RSBN1: variants seen among roughly 807,000 people sequenced by gnomAD.
RSBN1 encodes the protein lysine-specific demethylase 9.
RSBN1 carries 23 observed loss-of-function variants against 74.8 expected under a neutral mutation model. The observed-to-expected ratio is 0.31, with a 90% CI of 0.22 to 0.44. The LOEUF (loss-of-function observed/expected upper bound fraction) is 0.44, where lower values mean the gene tolerates loss of function less well. Ranked by LOEUF, RSBN1 falls within the 20% of genes least tolerant of loss-of-function variation. The pLI is 1.00. For synonymous variants in RSBN1, 407 were observed against 379.6 expected, an observed-to-expected ratio of 1.07 and a Z score of -0.84; for missense variants, 808 against 1,020.9, an observed-to-expected ratio of 0.79 and a Z score of 2.84.
intron 1 of RSBN1, among the ~76,000 whole-genome samples, chr1:113,801,994 A>C (rs1660594121): frequency 6.6e-6 from 1 of 151,200 alleles, no homozygotes; most frequent in Admixed American, 6.6e-5. Context: ...TTTTACTCTC[A>C]TCCAGGCTGG....
intron 2 of RSBN1, among the ~76,000 whole-genome samples, chr1:113,788,194 G>T (rs1660297383): frequency 6.6e-6 from 1 of 151,868 alleles, no homozygotes; most frequent in Non-Finnish European, 1.5e-5. Flanking sequence ...AAAAGACAAT[G>T]AAAAATATAA....
chr1:113,798,418 TC>T, intron 1 of RSBN1, among the ~76,000 whole-genome samples: 1 of 152,306 alleles, frequency 6.6e-6, no homozygotes, highest in East Asian at 1.9e-4. Flanking sequence ...TGTTCAGTTA[TC>T]ATCATAAAAT....
At position 113,812,353 on chromosome 1, in the gene RSBN1, G is replaced by T. The variant is rs1385009775; in HGVS notation, c.60C>A (p.Cys20Ter). ...GCGCCGCCCGCGCACTGCCCGCTGG[G>T]CATTGGAGTCTCTCCTCCGCCCTCC... ...DKWRAEERLQCPAGSARAALA... is the reference protein window; with the variant it reads ...DKWRAEERLQ The change falls in exon 1 of 7, where the codon TGC becomes TGA. Residue 20 changes from cysteine (C) to a stop codon, truncating the protein, a stop_gained. Transcript: ENST00000261441. LOFTEE classifies it high-confidence loss of function. The T allele has an allele frequency of 1.9e-6, 3 of 1,603,592 alleles. No individual in the cohort carries two copies. Among genetic ancestry groups the T allele is most frequent in the Admixed American group, 1.7e-5 (1 of 59,962 alleles).
rs2101785462 is a variant in RSBN1 at position 113,763,239 on chromosome 1, C to A, written c.*2741G>T. The A allele has an allele frequency of 6.5e-6, 1 of 152,802 alleles. No homozygotes were observed. The highest frequency in any genetic ancestry group is 1.5e-5 in the Non-Finnish European group (1 of 67,996). 9.5% of individuals were successfully genotyped at this position (152,802 alleles called of 1,614,324 possible). A position where few individuals can be genotyped will look rare whatever the true frequency, so the allele number is the denominator to read the frequency against. ...AGTTAGGAATATTCATTTATTGGGTCCTTTCCATAAGCACATTTAAAAACC... is the reference window on the plus strand; with the variant it reads ...AGTTAGGAATATTCATTTATTGGGTACTTTCCATAAGCACATTTAAAAACC... On this transcript the variant is annotated 3_prime_UTR_variant, in exon 7 of 7. Transcript: ENST00000261441.
intron 2 of RSBN1, among the ~76,000 whole-genome samples, chr1:113,786,319 G>A (rs776163389): frequency 6.6e-6 from 1 of 152,098 alleles, no homozygotes; most frequent in Admixed American, 6.5e-5. Context: ...GTTGAAAAAC[G>A]GCTTCCAAAG....
chr1:113,789,320 AG>A (rs1660319846), intron 2 of RSBN1, among the ~76,000 whole-genome samples: 4 of 152,220 alleles, frequency 2.6e-5, no homozygotes, highest in Admixed American at 2.6e-4. Context: ...GAAGATCAAC[AG>A]GAACTCATAC....
rs1302630840 is a variant in RSBN1 at position 113,797,356 on chromosome 1, A to G, written c.1377+7T>C. The G allele has an allele frequency of 6.3e-7, 1 of 1,597,706 alleles. No individual in the cohort carries two copies. The highest frequency in any genetic ancestry group is 1.1e-5 in the South Asian group (1 of 89,472). ...TTACTAATTTTTAACAACAATTTTT[A>G]TCTTACCTGAGTGTGAAAATTTGAA... On this transcript the variant is annotated splice_region_variant and intron_variant, in intron 2 of 6. Coordinates refer to ENST00000261441, the MANE Select transcript of RSBN1 (RefSeq NM_018364.5).
Position 113,811,692 on chromosome 1 carries a change from C to A in RSBN1, c.703+18G>T, listed in dbSNP as rs756840681. The A allele has an allele frequency of 1.9e-6, 3 of 1,557,356 alleles. No homozygotes were observed. Among genetic ancestry groups the A allele is most frequent in the South Asian group, 2.4e-5 (2 of 83,496 alleles). On this transcript the variant is annotated intron_variant, in intron 1 of 6. Transcript: ENST00000261441. ...AGAGAGACCTAGAACCCAAGCCGGG[C>A]AGTTTGCCTGCTCTCACCTCTCTTG... is the stretch of plus-strand genomic sequence containing the variant.
At chr1:113,785,364 CT>C (rs754403747) in intron 2 of RSBN1, among the ~76,000 whole-genome samples, 1 of 151,894 alleles carries the variant, frequency 6.6e-6, no homozygotes, top group Non-Finnish European at 1.5e-5. Context: ...TTACAGTTAA[CT>C]TTTTTTTAAT....
At chr1:113,786,546 T>C (rs1046144944) in intron 2 of RSBN1, among the ~76,000 whole-genome samples, 4 of 152,144 alleles carry the variant, frequency 2.6e-5, no homozygotes, top group Non-Finnish European at 5.9e-5. Flanking sequence ...TGGGGTAATA[T>C]ACTTTGAAGA....
chr1:113,798,160 C>A, intron 1 of RSBN1, 124 bp from the exon 2 acceptor site: 1 of 773,032 alleles, frequency 1.3e-6, no homozygotes, highest in South Asian at 2.1e-5. Flanking sequence ...TTACAACTTA[C>A]GTGTTTAGAA....
chr1:113,805,422 A>G (rs1487363826), intron 1 of RSBN1, among the ~76,000 whole-genome samples: 1 of 152,170 alleles, frequency 6.6e-6, no homozygotes, highest in African/African-American at 2.4e-5. Context: ...AAAAAAATTA[A>G]GATTTCAAAA....
intron 2 of RSBN1, among the ~76,000 whole-genome samples, chr1:113,792,508 G>A (rs926594473): frequency 6.6e-6 from 1 of 152,120 alleles, no homozygotes; most frequent in South Asian, 2.1e-4. Flanking sequence ...CTCAAGACTA[G>A]CCTAGACGAC....
chr1:113,778,866 TA>T (rs1282059369), intron 2 of RSBN1, among the ~76,000 whole-genome samples: 26 of 152,206 alleles, frequency 1.7e-4, no homozygotes, highest in Non-Finnish European at 3.2e-4. Context: ...ATATCCTACA[TA>T]AATATGCAGC....
intron 1 of RSBN1, among the ~76,000 whole-genome samples, chr1:113,805,245 T>C (rs1660678814): frequency 6.6e-6 from 1 of 151,926 alleles, no homozygotes; most frequent in African/African-American, 2.4e-5. Flanking sequence ...GCCTCCCAAG[T>C]AGCCCAGCTA....
intron 1 of RSBN1, among the ~76,000 whole-genome samples, chr1:113,809,338 A>G (rs1210502120): frequency 3.9e-5 from 6 of 152,228 alleles, no homozygotes; most frequent in Non-Finnish European, 7.3e-5. Flanking sequence ...GAGAGAGGGT[A>G]AAGCAATTTG....
Position 113,765,311 on chromosome 1 carries a change from G to A in RSBN1, c.*669C>T, listed in dbSNP as rs1018118314. The A allele has an allele frequency of 6.6e-6, 1 of 152,022 alleles. No individual in the cohort carries two copies. The highest frequency in any genetic ancestry group is 2.4e-5 in the African/African-American group (1 of 41,338). The allele number at this position is 152,022 out of a possible 1,614,324, so 9.4% of individuals were successfully genotyped here. On this transcript the variant is annotated 3_prime_UTR_variant, in exon 7 of 7. Transcript: ENST00000261441. ...GAGCCATGGATAATGAATGACCAAG[G>A]ACTATTCATCTTTAGATTTTTTTTT...
intron 2 of RSBN1, among the ~76,000 whole-genome samples, chr1:113,779,669 A>C (rs1422742297): frequency 6.6e-6 from 1 of 152,122 alleles, no homozygotes; most frequent in African/African-American, 2.4e-5. Context: ...AAAACAACTA[A>C]AGTAGATTTA....
chr1:113,777,573 T>C, intron 3 of RSBN1, 98 bp downstream of exon 3: 2 of 1,206,678 alleles, frequency 1.7e-6, no homozygotes, highest in Non-Finnish European at 2.3e-6. Flanking sequence ...ACTGGATAAA[T>C]TTAATTTCAA....
Sources: allele counts gnomAD v4.1 joint callset (sites outside exome capture counted in the v4.1 genomes callset), GRCh38; gene constraint gnomAD v4.1.1; transcripts MANE v1.5; gene names NCBI Gene and HGNC (gene_info 2026-07-23, HGNC 2026-07-21).